Variants in DIP2C observed in about 807,000 individuals in gnomAD.
DIP2C encodes disco-interacting protein 2 homolog C.
Under a neutral mutation model 192.4 loss-of-function variants are expected in DIP2C, and 33 were observed. The ratio of observed to expected loss-of-function variants is 0.17; its 90% CI spans 0.13 to 0.23. DIP2C has a LOEUF of 0.23. DIP2C is among the 10% of genes least tolerant of loss of function. The pLI is 1.00. For missense variants in DIP2C, 1,537 were observed against 2,110.1 expected (o/e 0.73, Z 5.32); for synonymous variants, 979 against 864.1 (o/e 1.13, Z -2.33).
intron 20 of DIP2C, 48 bp downstream of exon 20, chr10:364,326 A>G (rs773555734): frequency 1.3e-6 from 2 of 1,574,894 alleles, no homozygotes; most frequent in East Asian, 4.5e-5. Context: ...CACATAAAAA[A>G]TATGGCCGAC....
intron 3 of DIP2C, among the ~76,000 whole-genome samples, chr10:442,654 TCCC>T (rs917205966): frequency 3.3e-5 from 5 of 152,188 alleles, no homozygotes; most frequent in African/African-American, 1.2e-4. Context: ...CTCTCCCCGC[TCCC>T]CCATGAATTT....
intron 31 of DIP2C, among the ~76,000 whole-genome samples, chr10:310,872 C>CT (rs1260061233): frequency 2.6e-5 from 4 of 152,116 alleles, no homozygotes; most frequent in Non-Finnish European, 4.4e-5. Context: ...AGTACAATAC[C>CT]TTGGTTGGAA....
intron 32 of DIP2C, among the ~76,000 whole-genome samples, chr10:304,908 C>T (rs1233945656): frequency 3.3e-5 from 5 of 152,090 alleles, no homozygotes; most frequent in South Asian, 4.1e-4. Flanking sequence ...TGCATGTACT[C>T]GTGTGCACAA....
chr10:587,012 C>G (rs1851085539), intron 1 of DIP2C, among the ~76,000 whole-genome samples: 1 of 141,060 alleles, frequency 7.1e-6, no homozygotes, highest in South Asian at 2.2e-4. Context: ...GCAAACAGTG[C>G]AGGGTCTAAG....
At position 450,943 on chromosome 10, in the gene DIP2C, A is replaced by C. The variant is rs571065444; in HGVS notation, c.269-9947T>G. Among the ~76,000 whole-genome samples the C allele has an allele frequency of 2.5e-3, 384 of 152,290 alleles. 1 individual carries two copies. Among genetic ancestry groups the C allele is most frequent in the Non-Finnish European group, 4.0e-3 (272 of 67,990 alleles). On this transcript the variant is annotated intron_variant, in intron 3 of 36. Transcript: ENST00000280886. The stretch of plus-strand genomic sequence containing the variant: ...TACAGGTCTGTATGTGCGTACATGT[A>C]TGTATATGTCCATATGTGTGGGTAT...
At chr10:664,535 C>T (rs965596149) in intron 1 of DIP2C, 2 of 152,200 alleles carry the variant, frequency 1.3e-5, no homozygotes, top group Non-Finnish European at 2.9e-5. Context: ...AAATGACACA[C>T]ATAAGCCCAG....
chr10:589,977 T>A (rs1234896305), intron 1 of DIP2C, among the ~76,000 whole-genome samples: 1 of 152,240 alleles, frequency 6.6e-6, no homozygotes, highest in African/African-American at 2.4e-5. Context: ...CGTATCAAGA[T>A]TCTGACGGTT....
intron 24 of DIP2C, among the ~76,000 whole-genome samples, chr10:353,530 C>T (rs1001461267): frequency 9.8e-5 from 15 of 152,340 alleles, no homozygotes; most frequent in African/African-American, 3.6e-4. Flanking sequence ...GCTGGGATTA[C>T]AGGCATGTGC....
In DIP2C at chr10:344,793, C is replaced by A. The variant is rs889683291; in HGVS notation, c.3453+16G>T. ...CAGTTGCCTCCATGGCCACCGCCCGCAGCCACCCCCCTCACCTTTACGCCA... is the reference window on the plus strand; with the variant it reads ...CAGTTGCCTCCATGGCCACCGCCCGAAGCCACCCCCCTCACCTTTACGCCA... On this transcript the variant is annotated intron_variant, in intron 28 of 36. Coordinates refer to ENST00000280886, the MANE Select transcript of DIP2C (RefSeq NM_014974.3). The A allele has an allele frequency of 6.4e-7, 1 of 1,569,288 alleles. No individual in the cohort carries two copies. The highest frequency in any genetic ancestry group is 2.3e-5 in the East Asian group (1 of 43,554).
In DIP2C at chr10:537,213, C is replaced by CCA. The variant is rs144869151; in HGVS notation, c.86-50685_86-50684dup. 3.6e-3 allele frequency among the ~76,000 whole-genome samples: 547 copies of CCA among 152,090 alleles called. 1 individual carries two copies. The highest frequency in any genetic ancestry group is 0.013 in the African/African-American group (527 of 41,488). Reference sequence around the variant, plus strand: ...GATCTTGGCCCCTGTGACAACCTCACCACACAGAGGCAAGGCCGTATGAAG... The same window carrying CCA: ...GATCTTGGCCCCTGTGACAACCTCACCACACACAGAGGCAAGGCCGTATGAAG... On this transcript the variant is annotated intron_variant, in intron 1 of 36. Transcript: ENST00000280886.
intron 1 of DIP2C, among the ~76,000 whole-genome samples, chr10:683,315 C>T (rs976551619): frequency 1.3e-5 from 2 of 152,364 alleles, no homozygotes; most frequent in Non-Finnish European, 2.9e-5. Flanking sequence ...CTACCCACAG[C>T]AGCCGGGTTT....
intron 23 of DIP2C, 117 bp from the exon 24 acceptor site, chr10:356,623 A>T: frequency 1.3e-6 from 1 of 752,382 alleles, no homozygotes; most frequent in Non-Finnish European, 2.1e-6. Flanking sequence ...GGGTCTTAAA[A>T]CCGCATGCTT....
intron 1 of DIP2C, among the ~76,000 whole-genome samples, chr10:642,173 A>G (rs1855227186): frequency 6.6e-6 from 1 of 152,170 alleles, no homozygotes; most frequent in Non-Finnish European, 1.5e-5. Flanking sequence ...CTGCTACACA[A>G]TTTGGTAACC....
chr10:316,455 C>T (rs1212761214), intron 31 of DIP2C, among the ~76,000 whole-genome samples: 1 of 152,208 alleles, frequency 6.6e-6, no homozygotes, highest in Non-Finnish European at 1.5e-5. Flanking sequence ...TCAGTCTCAC[C>T]CCCAGCTTCC....
chr10:556,644 C>G (rs568414462), intron 1 of DIP2C, among the ~76,000 whole-genome samples: 2 of 152,108 alleles, frequency 1.3e-5, no homozygotes, highest in African/African-American at 2.4e-5. Flanking sequence ...TGTTGCCACC[C>G]TGCCCACTGG....
At chr10:686,209 C>T (rs1831328669) in intron 1 of DIP2C, among the ~76,000 whole-genome samples, 2 of 152,162 alleles carry the variant, frequency 1.3e-5, no homozygotes, top group African/African-American at 2.4e-5. Flanking sequence ...CTTGACCCTC[C>T]CCAGAATGGA....
rs993046803 is a variant in DIP2C at position 286,489 on chromosome 10, G to T, written c.4045-142C>A. ...TTAAATCAAAACTATATGCCACATA[G>T]TTATGACCCATTATACAACCACAGC... is the stretch of plus-strand genomic sequence containing the variant. On this transcript the variant is annotated intron_variant, in intron 33 of 36. Transcript: ENST00000280886. The T allele has an allele frequency of 7.0e-5, 49 of 705,004 alleles. No individual in the cohort carries two copies. The African/African-American group carries it at 7.6e-4, about 11-fold the overall frequency. 43.7% of individuals were successfully genotyped at this position (705,004 alleles called of 1,614,324 possible).
At chr10:340,985 C>CT (rs1189658185) in intron 29 of DIP2C, 2 of 694,096 alleles carry the variant, frequency 2.9e-6, no homozygotes, top group South Asian at 1.5e-5. Context: ...CAAAATGCTC[C>CT]TTCCCTGCTG....
rs539682218 is a variant in DIP2C, at chr10:332,311, C to T, written c.3585-2710G>A. On this transcript the variant is annotated intron_variant, in intron 29 of 36. Transcript: ENST00000280886. ...CTCTGTCAGAATTGTCAGCACACAA[C>T]GGGCTTGGGAACCCAGTGTGAATTC... is the stretch of plus-strand genomic sequence containing the variant. Among the ~76,000 whole-genome samples, 6 of 152,310 alleles carry T rather than the reference C, an allele frequency of 3.9e-5. No homozygotes were observed. In the South Asian group the frequency reaches 8.3e-4, roughly 21 times the overall value.
Sources: allele counts gnomAD v4.1 joint callset (sites outside exome capture counted in the v4.1 genomes callset), GRCh38; gene constraint gnomAD v4.1.1; transcripts MANE v1.5; gene names NCBI Gene and HGNC (gene_info 2026-07-23, HGNC 2026-07-21).